The following TMEM219 variants were observed in gnomAD, a reference collection of about 807,000 sequenced individuals.
TMEM219 encodes insulin-like growth factor-binding protein 3 receptor.
TMEM219 carries 18 observed loss-of-function variants against 17.9 expected under a neutral mutation model. The ratio of observed to expected loss-of-function variants is 1.01; its 90% CI spans 0.70 to 1.49. The LOEUF (loss-of-function observed/expected upper bound fraction) is 1.49. Ranked by LOEUF, TMEM219 falls within the 40% of genes most tolerant of loss-of-function variation. TMEM219 has a pLI of 0.00. For synonymous variants in TMEM219, 113 were observed against 124.0 expected, an observed-to-expected ratio of 0.91 and a Z score of 0.59; for missense variants, 288 against 292.4, an observed-to-expected ratio of 0.99 and a Z score of 0.11.
At chr16:29,967,963 A>T (rs1567231025) in intron 3 of TMEM219, 62 bp from the exon 4 acceptor site, 2 of 1,267,524 alleles carry the variant, frequency 1.6e-6, no homozygotes, top group East Asian at 2.3e-5. Flanking sequence ...AAGAAGCGTG[A>T]AGACAGAGGC....
chr16:29,970,653 A>G (rs565735972), intron 4 of TMEM219, among the ~76,000 whole-genome samples: 3 of 152,176 alleles, frequency 2.0e-5, no homozygotes, highest in African/African-American at 7.2e-5. Flanking sequence ...GTGGATCATA[A>G]TGAAGTTTCC....
At chr16:29,963,345 A>G (rs2069171267) in intron 2 of TMEM219, 37 bp downstream of exon 2, 6 of 1,613,828 alleles carry the variant, frequency 3.7e-6, no homozygotes, top group Non-Finnish European at 5.1e-6. Context: ...CTTCCTTCCA[A>G]CCTAGACAGG....
At chr16:29,964,332 A>C in intron 3 of TMEM219, among the ~76,000 whole-genome samples, 1 of 151,258 alleles carries the variant, frequency 6.6e-6, no homozygotes, top group East Asian at 2.0e-4. Flanking sequence ...CAAAAAAAAA[A>C]ATTAGCCAGG....
Position 29,968,171 on chromosome 16 carries a change from G to A in TMEM219, c.502G>A (p.Ala168Thr), listed in dbSNP as rs200066942. The A allele has an allele frequency of 2.8e-4, 446 of 1,614,054 alleles. No homozygotes were observed. The highest frequency in any genetic ancestry group is 3.6e-4 in the Non-Finnish European group (422 of 1,180,034). The change falls in exon 4 of 6, where the codon GCC becomes ACC. Residue 168 changes from alanine to threonine, a missense_variant. By Grantham distance (58) the Ala-to-Thr change is moderately conservative. Coordinates refer to ENST00000279396, the MANE Select transcript of TMEM219 (RefSeq NM_001083613.2). The stretch of plus-strand genomic sequence containing the variant: ...CTGCTCAGAGGAGGGGGCTGGAAAT[G>A]CCACCCTGAGCCCTAGAATGGGTGA... ...ISCSEEGAGN[A>T]TLSPRMGEEC...
At position 29,963,156 on chromosome 16, in the gene TMEM219, C is replaced by CA; in HGVS notation, c.14dup (p.Ala6GlyfsTer47). 1.2e-6 allele frequency: 2 copies of CA among 1,612,410 alleles called. No homozygotes were observed. Among genetic ancestry groups the CA allele is most frequent in the Non-Finnish European group, 1.7e-6 (2 of 1,180,034 alleles). On this transcript the variant is annotated frameshift_variant, in exon 2 of 6. Coordinates refer to ENST00000279396, the MANE Select transcript of TMEM219 (RefSeq NM_001083613.2). LOFTEE classifies it high-confidence loss of function. ...CCCTCTGCTCCCCATGGGCAACTGC[C>CA]AGGCAGGGCACAACCTGCACCTGTG...
chr16:29,962,909 T>G lies in TMEM219; in HGVS notation c.-37-198T>G, dbSNP rs2150858873. ...GTACACTGCTCTGCCTCCACTTAGATTACTTCAGAAATGAAATGCAGCAAA... is the reference window on the plus strand; with the variant it reads ...GTACACTGCTCTGCCTCCACTTAGAGTACTTCAGAAATGAAATGCAGCAAA... On this transcript the variant is annotated intron_variant, in intron 1 of 5. Transcript: ENST00000279396. 5.2e-6 allele frequency: 3 copies of G among 574,420 alleles called. No homozygotes were observed. The East Asian group carries it at 8.9e-5, about 17-fold the overall frequency. The allele number at this position is 574,420 out of a possible 1,614,324, so 35.6% of individuals were successfully genotyped here. A position where few individuals can be genotyped will look rare whatever the true frequency, so the allele number is the denominator to read the frequency against.
chr16:29,966,830 T>C (rs1175772796), intron 3 of TMEM219, among the ~76,000 whole-genome samples: 1 of 151,928 alleles, frequency 6.6e-6, no homozygotes, highest in Admixed American at 6.6e-5. Context: ...AATAATAAAA[T>C]AAAATAAAAT....
At chr16:29,962,668 T>C (rs1187059287) in intron 1 of TMEM219, 1 of 161,372 alleles carries the variant, frequency 6.2e-6, no homozygotes, top group Non-Finnish European at 1.4e-5. Flanking sequence ...TTCTCAGAAC[T>C]CCCATTTCAT....
In TMEM219 at chr16:29,963,392, G is replaced by A; in HGVS notation, c.166-8G>A. On this transcript the variant is annotated splice_region_variant and splice_polypyrimidine_tract_variant and intron_variant, in intron 2 of 5. Transcript: ENST00000279396. ...AATCTCATCTCACCCGTCTTCTTTT[G>A]CTCACAGGACTGGGTCTCTTTTTTG... is the stretch of plus-strand genomic sequence containing the variant. The A allele has an allele frequency of 6.2e-7, 1 of 1,613,774 alleles. No individual in the cohort carries two copies. The highest frequency in any genetic ancestry group is 1.3e-5 in the African/African-American group (1 of 74,996).
intron 4 of TMEM219, 199 bp downstream of exon 4, chr16:29,968,453 C>G (rs1486970368): frequency 3.6e-6 from 2 of 552,178 alleles, no homozygotes; most frequent in Admixed American, 3.1e-5. Context: ...AAACATGACC[C>G]TATCTCTTAA....
Position 29,963,162 on chromosome 16 carries a change from G to T in TMEM219, c.19G>T (p.Gly7Trp). 1 of 1,612,702 alleles carries T rather than the reference G, an allele frequency of 6.2e-7. No homozygotes were observed. MGNCQA[G>W]HNLHLCLAHH... ...GCTCCCCATGGGCAACTGCCAGGCAGGGCACAACCTGCACCTGTGTCTGGC... is the reference window on the plus strand; with the variant it reads ...GCTCCCCATGGGCAACTGCCAGGCATGGCACAACCTGCACCTGTGTCTGGC... The change falls in exon 2 of 6, where the codon GGG (glycine) becomes TGG (tryptophan). Residue 7 changes from glycine (G) to tryptophan (W), a missense_variant. Transcript: ENST00000279396.
intron 4 of TMEM219, chr16:29,968,630 T>C: frequency 5.2e-6 from 1 of 193,260 alleles, no homozygotes; most frequent in Non-Finnish European, 1.1e-5. Context: ...ATGGGCTAAT[T>C]GCTATTAGAG....
At chr16:29,968,344 GA>G in intron 4 of TMEM219, 90 bp downstream of exon 4, 1 of 1,108,124 alleles carries the variant, frequency 9.0e-7, no homozygotes, top group Non-Finnish European at 1.3e-6. Context: ...CTACCTTGTA[GA>G]AAAAGCACAG....
chr16:29,969,465 G>C (rs1406873145), intron 4 of TMEM219, among the ~76,000 whole-genome samples: 1 of 151,914 alleles, frequency 6.6e-6, no homozygotes, highest in East Asian at 1.9e-4. Flanking sequence ...AAAGTGCTGG[G>C]ATTACAGGTG....
chr16:29,964,132 G>C (rs184173695), intron 3 of TMEM219, among the ~76,000 whole-genome samples: 8 of 152,094 alleles, frequency 5.3e-5, no homozygotes, highest in African/African-American at 1.9e-4. Context: ...AGTCCAGCCT[G>C]ACCAACATGG....
chr16:29,963,320 A>G lies in TMEM219; in HGVS notation c.165+12A>G. ...CTGACATCCCCCAGGTAAGTTCCCC[A>G]CCCCCGTACCCGCTCTTCCTTCCAA... On this transcript the variant is annotated intron_variant, in intron 2 of 5. Transcript: ENST00000279396. The G allele has an allele frequency of 6.2e-7, 1 of 1,611,998 alleles. No individual in the cohort carries two copies. The highest frequency in any genetic ancestry group is 8.5e-7 in the Non-Finnish European group (1 of 1,179,246).
chr16:29,970,030 TCAGGAC>T (rs1445180316), intron 4 of TMEM219, among the ~76,000 whole-genome samples: 4 of 152,072 alleles, frequency 2.6e-5, no homozygotes, highest in Non-Finnish European at 4.4e-5. Context: ...TCACTTGAGG[TCAGGAC>T]CAGCCTGGCC....
Position 29,963,590 on chromosome 16 carries a change from G to A in TMEM219, c.355+1G>A. 1 of 1,613,124 alleles carries A rather than the reference G, an allele frequency of 6.2e-7. No homozygotes were observed. The highest frequency in any genetic ancestry group is 1.1e-5 in the South Asian group (1 of 91,028). ...CTGGGAAGTCAGATGGGATTGAAAG[G>A]TGAGATCAGAGGCTGGGTGTGGTGG... On this transcript the variant is annotated splice_donor_variant, in intron 3 of 5. Transcript: ENST00000279396. LOFTEE classifies it high-confidence loss of function.
At chr16:29,965,178 G>A (rs2069196721) in intron 3 of TMEM219, among the ~76,000 whole-genome samples, 1 of 152,148 alleles carries the variant, frequency 6.6e-6, no homozygotes, top group Non-Finnish European at 1.5e-5. Flanking sequence ...GGATGGAAGA[G>A]GGTGGTATTT....
Sources: gnomAD v4.1 joint callset for allele counts (sites outside exome capture counted in the v4.1 genomes callset) on GRCh38, gnomAD v4.1.1 for gene constraint, MANE v1.5 for transcripts, NCBI Gene and HGNC (gene_info 2026-07-23, HGNC 2026-07-21) for gene names.